The following STK24 variants were observed in gnomAD, a reference collection of about 807,000 sequenced individuals.
STK24 encodes serine/threonine kinase 24, also known as serine/threonine-protein kinase 24.
STK24 carries 21 observed loss-of-function variants against 55.6 expected under a neutral mutation model. The ratio of observed to expected loss-of-function variants is 0.38; its 90% confidence interval spans 0.27 to 0.54. The LOEUF (loss-of-function observed/expected upper bound fraction) is 0.54. Ranked by LOEUF, STK24 falls within the 20% of genes least tolerant of loss-of-function variation. The pLI, the probability that STK24 is intolerant of heterozygous loss-of-function variation, is 0.79. For synonymous variants in STK24, 200 were observed against 215.2 expected (o/e 0.93, Z 0.62); for missense variants, 383 against 538.4 (o/e 0.71, Z 2.86).
At chr13:98,551,151 T>C (rs1414167034) in intron 1 of STK24, among the ~76,000 whole-genome samples, 1 of 151,912 alleles carries the variant, frequency 6.6e-6, no homozygotes, top group Non-Finnish European at 1.5e-5. Flanking sequence ...CCGGGCATGG[T>C]GGCGGGCGCC....
intron 8 of STK24, among the ~76,000 whole-genome samples, chr13:98,461,440 C>T (rs1268276257): frequency 1.3e-5 from 2 of 152,206 alleles, no homozygotes; most frequent in African/African-American, 2.4e-5. Context: ...GTAACCGCAA[C>T]ATGCACAACA....
intron 4 of STK24, 112 bp from the exon 5 acceptor site, chr13:98,475,090 G>T: frequency 6.9e-7 from 1 of 1,449,672 alleles, no homozygotes; most frequent in South Asian, 1.4e-5. Flanking sequence ...CACAGGCACC[G>T]GGGCTACACT....
intron 5 of STK24, among the ~76,000 whole-genome samples, chr13:98,473,920 G>A (rs1247868052): frequency 1.3e-5 from 2 of 152,220 alleles, no homozygotes; most frequent in African/African-American, 2.4e-5. Flanking sequence ...AGTTTACTGG[G>A]TACTGGGAAG....
Position 98,448,899 on chromosome 13 carries a change from CT to C in STK24, c.*4273del, listed in dbSNP as rs1375301793. The C allele has an allele frequency of 6.6e-6, 1 of 152,226 alleles. No homozygotes were observed. Among genetic ancestry groups the C allele is most frequent in the Non-Finnish European group, 1.5e-5 (1 of 68,084 alleles). 9.4% of individuals were successfully genotyped at this position (152,226 alleles called of 1,614,324 possible). ...GCAATTTGCAGCACACAGCGTTCCACTGCGGGGTTTCACGCTCACCTGAAAA... is the reference window on the plus strand; with the variant it reads ...GCAATTTGCAGCACACAGCGTTCCACGCGGGGTTTCACGCTCACCTGAAAA... On this transcript the variant is annotated 3_prime_UTR_variant, in exon 11 of 11. Coordinates refer to ENST00000539966, the MANE Select transcript of STK24 (RefSeq NM_001032296.4).
chr13:98,475,135 G>C, intron 4 of STK24, 115 bp downstream of exon 4: 1 of 1,403,692 alleles, frequency 7.1e-7, no homozygotes, highest in African/African-American at 1.4e-5. Context: ...GCCCAGCCCA[G>C]GCAAGGCAAA....
intron 1 of STK24, among the ~76,000 whole-genome samples, chr13:98,536,163 C>T (rs1376312910): frequency 1.3e-5 from 2 of 152,202 alleles, no homozygotes; most frequent in African/African-American, 4.8e-5. Flanking sequence ...AAAAATGTCA[C>T]TGAGTGTTCT....
intron 9 of STK24, among the ~76,000 whole-genome samples, chr13:98,459,136 C>A (rs575811434): frequency 6.6e-6 from 1 of 152,330 alleles, no homozygotes; most frequent in South Asian, 2.1e-4. Flanking sequence ...CCTATTCCAG[C>A]GGCCAATGGC....
intron 5 of STK24, among the ~76,000 whole-genome samples, chr13:98,472,868 C>A (rs796420106): frequency 1.3e-5 from 2 of 152,266 alleles, no homozygotes; most frequent in African/African-American, 4.8e-5. Context: ...AAGCTGTGCA[C>A]TGATGCTTTC....
rs75472791 is a variant in STK24, at chr13:98,496,534, A to G, written c.274-14213T>C. Among the ~76,000 whole-genome samples the G allele has an allele frequency of 9.1e-3, 1,386 of 152,310 alleles. 19 individuals carry two copies. The highest frequency in any genetic ancestry group is 0.03 in the African/African-American group (1,265 of 41,568). ...AATGGCCACCAGACAAAAACCCTCC[A>G]TGTCCCAGTAAGGGCTCCTCTGGGT... is the stretch of plus-strand genomic sequence containing the variant. On this transcript the variant is annotated intron_variant, in intron 2 of 10. Coordinates refer to ENST00000539966, the MANE Select transcript of STK24 (RefSeq NM_001032296.4).
intron 10 of STK24, 176 bp from the exon 11 acceptor site, chr13:98,453,385 A>T: frequency 1.6e-6 from 1 of 635,840 alleles, no homozygotes. Context: ...AAGACTGAGA[A>T]GATCATGATT....
chr13:98,455,530 C>T (rs555808779), intron 10 of STK24: 1 of 152,422 alleles, frequency 6.6e-6, no homozygotes, highest in South Asian at 2.1e-4. Flanking sequence ...CATGAGCCAC[C>T]ACATCCAGCA....
intron 2 of STK24, among the ~76,000 whole-genome samples, chr13:98,507,258 G>A (rs549459730): frequency 4.6e-5 from 7 of 152,236 alleles, no homozygotes; most frequent in African/African-American, 1.2e-4. Context: ...GAGGACAACC[G>A]TCAGGTGCAG....
At position 98,452,028 on chromosome 13, in the gene STK24, T is replaced by C. The variant is rs1893219667; in HGVS notation, c.*1145A>G. On this transcript the variant is annotated 3_prime_UTR_variant, in exon 11 of 11. Coordinates refer to ENST00000539966, the MANE Select transcript of STK24 (RefSeq NM_001032296.4). ...CCTGGGCACTCGGCAGCTCCAGGCC[T>C]GGGGACTTCTCCCTGGAGTCTTCCA... The C allele has an allele frequency of 6.6e-6, 1 of 152,202 alleles. No homozygotes were observed. The highest frequency in any genetic ancestry group is 1.5e-5 in the Non-Finnish European group (1 of 68,100). 9.4% of individuals were successfully genotyped at this position (152,202 alleles called of 1,614,324 possible).
Position 98,447,968 on chromosome 13 carries a change from A to G in STK24, c.*5205T>C. On this transcript the variant is annotated 3_prime_UTR_variant, in exon 11 of 11. Coordinates refer to ENST00000539966, the MANE Select transcript of STK24 (RefSeq NM_001032296.4). Reference sequence around the variant, plus strand: ...GCGTTCTCCCCAGCAACCAGAGGCCACCTCGCTCCTAACTGCTCCAATGGA... The same window carrying G: ...GCGTTCTCCCCAGCAACCAGAGGCCGCCTCGCTCCTAACTGCTCCAATGGA... The G allele has an allele frequency of 2.0e-6, 1 of 499,918 alleles. No homozygotes were observed. Among genetic ancestry groups the G allele is most frequent in the South Asian group, 2.7e-5 (1 of 37,178 alleles). 31.0% of individuals were successfully genotyped at this position (499,918 alleles called of 1,614,324 possible).
chr13:98,451,784 A>C lies in STK24; in HGVS notation c.*1389T>G, dbSNP rs1893206491. ...CAACAGCTGCTGCACGAACCCTCCC[A>C]CTCCAGAAACCCAGAGATTTTCCCC... On this transcript the variant is annotated 3_prime_UTR_variant, in exon 11 of 11. Coordinates refer to ENST00000539966, the MANE Select transcript of STK24 (RefSeq NM_001032296.4). 6.6e-6 allele frequency: 1 copy of C among 152,294 alleles called. No homozygotes were observed. The highest frequency in any genetic ancestry group is 2.4e-5 in the African/African-American group (1 of 41,450). The allele number at this position is 152,294 out of a possible 1,614,324, so 9.4% of individuals were successfully genotyped here. A position where few individuals can be genotyped will look rare whatever the true frequency, so the allele number is the denominator to read the frequency against.
At chr13:98,461,629 T>C in intron 8 of STK24, 145 bp downstream of exon 8, 1 of 1,103,736 alleles carries the variant, frequency 9.1e-7, no homozygotes, top group Non-Finnish European at 1.3e-6. Context: ...CTAAAGCTCT[T>C]CATCTGCCCA....
At chr13:98,488,290 A>G (rs1175109608) in intron 2 of STK24, among the ~76,000 whole-genome samples, 2 of 151,964 alleles carry the variant, frequency 1.3e-5, no homozygotes, top group Non-Finnish European at 2.9e-5. Flanking sequence ...CCCTACCAAC[A>G]TCTTTCCAGG....
At chr13:98,566,948 C>T (rs191396912) in intron 1 of STK24, among the ~76,000 whole-genome samples, 3 of 152,342 alleles carry the variant, frequency 2.0e-5, no homozygotes, top group East Asian at 1.9e-4. Context: ...ACATTGAACA[C>T]GCTTCCAAAG....
rs1892886360 is a variant in STK24, at chr13:98,446,991, A to G, written c.*6182T>C. 1.5e-6 allele frequency: 1 copy of G among 655,352 alleles called. No individual in the cohort carries two copies. The highest frequency in any genetic ancestry group is 2.6e-6 in the Non-Finnish European group (1 of 387,346). The allele number at this position is 655,352 out of a possible 1,614,324, so 40.6% of individuals were successfully genotyped here. The stretch of plus-strand genomic sequence containing the variant: ...GCAGGCGATTCTGTTCTCATGGCAG[A>G]AAGTGGGGTCCCAACTTCCCTGCGC... On this transcript the variant is annotated 3_prime_UTR_variant, in exon 11 of 11. Transcript: ENST00000539966.
Sources: allele counts gnomAD v4.1 joint callset (sites outside exome capture counted in the v4.1 genomes callset), GRCh38; gene constraint gnomAD v4.1.1; transcripts MANE v1.5; gene names NCBI Gene and HGNC (gene_info 2026-07-23, HGNC 2026-07-21).